Variants in HSPBP1 observed in about 807,000 individuals in gnomAD.
The protein encoded by HSPBP1 is HSPA (Hsp70) binding protein 1.
In HSPBP1, 31 loss-of-function variants were observed where a neutral mutation model predicts 41.7. That is an observed-to-expected ratio of 0.74 (90% CI 0.56 to 1.00). The LOEUF is 1.00. HSPBP1 is among the 50% of genes least tolerant of loss of function. The pLI is 0.00. For synonymous variants in HSPBP1, 199 were observed against 214.4 expected, an observed-to-expected ratio of 0.93 and a Z score of 0.63; for missense variants, 439 against 487.9, an observed-to-expected ratio of 0.90 and a Z score of 0.94.
At position 55,268,491 on chromosome 19, in the gene HSPBP1, C is replaced by G. The variant is rs955127562; in HGVS notation, c.641-2205G>C. The stretch of plus-strand genomic sequence containing the variant: ...CACACACAACGTTGTTGCTCTGGCG[C>G]ACTCCACACTACCCCTGAAAACTCA... On this transcript the variant is annotated intron_variant, in intron 4 of 7. Coordinates refer to ENST00000433386, the MANE Select transcript of HSPBP1 (RefSeq NM_012267.5). This position sits in a 1 kb window ranked among gnomAD's most constrained non-coding sequence, Gnocchi z 4.5. 4.6e-5 allele frequency among the ~76,000 whole-genome samples: 7 copies of G among 152,114 alleles called. No homozygotes were observed. Among genetic ancestry groups the G allele is most frequent in the Admixed American group, 4.6e-4 (7 of 15,274 alleles).
chr19:55,274,379 G>GCCCCCCCCCCCCCCC lies in HSPBP1; in HGVS notation c.640+18_640+19insGGGGGGGGGGGGGGG. On this transcript the variant is annotated intron_variant, in intron 4 of 7. Coordinates refer to ENST00000433386, the MANE Select transcript of HSPBP1 (RefSeq NM_012267.5). ...CCCACCGCCAGCACCCCTGTCCCCA[G>GCCCCCCCCCCCCCCC]CCCCACCCGGACACTCACAGGAGAT... 9.3e-6 allele frequency: 2 copies of GCCCCCCCCCCCCCCC among 215,132 alleles called. No homozygotes were observed. The highest frequency in any genetic ancestry group is 8.7e-5 in the Admixed American group (1 of 11,554). 13.3% of individuals were successfully genotyped at this position (215,132 alleles called of 1,614,324 possible).
At chr19:55,265,527 C>G in intron 6 of HSPBP1, 138 bp from the exon 7 acceptor site, 1 of 730,832 alleles carries the variant, frequency 1.4e-6, no homozygotes, top group Non-Finnish European at 2.4e-6. Flanking sequence ...ATTTCCCCAT[C>G]TGCGGAATGG....
chr19:55,266,464 C>T (rs1372895007), intron 4 of HSPBP1, among the ~76,000 whole-genome samples, 178 bp from the exon 5 acceptor site: 3 of 97,552 alleles, frequency 3.1e-5, no homozygotes, highest in Non-Finnish European at 4.4e-5. Context: ...CCACCATCAC[C>T]ATCACCACCA....
chr19:55,277,372 T>C (rs2088100547), intron 3 of HSPBP1, among the ~76,000 whole-genome samples: 2 of 152,218 alleles, frequency 1.3e-5, no homozygotes, highest in African/African-American at 4.8e-5. Flanking sequence ...CCCATGCCAC[T>C]TTCCCTCTTG....
At chr19:55,277,880 C>A (rs1432794286) in intron 2 of HSPBP1, 34 bp from the exon 3 acceptor site, 3 of 1,468,494 alleles carry the variant, frequency 2.0e-6, no homozygotes, top group Non-Finnish European at 2.7e-6. Flanking sequence ...AGAAGGAGAT[C>A]CATCAGTCAT....
At chr19:55,263,629 G>A (rs993776033) in intron 7 of HSPBP1, among the ~76,000 whole-genome samples, 4 of 152,220 alleles carry the variant, frequency 2.6e-5, no homozygotes, top group Non-Finnish European at 5.9e-5. Flanking sequence ...GCTGCAAAAT[G>A]AAAGAGCCAC....
chr19:55,276,917 C>T (rs1001547872), intron 3 of HSPBP1, among the ~76,000 whole-genome samples: 9 of 152,216 alleles, frequency 5.9e-5, no homozygotes, highest in African/African-American at 1.7e-4. Flanking sequence ...GGGTTTCTCT[C>T]GGCCCAGCCT....
At position 55,277,860 on chromosome 19, in the gene HSPBP1, C is replaced by A; in HGVS notation, c.211-14G>T. On this transcript the variant is annotated splice_polypyrimidine_tract_variant and intron_variant, in intron 2 of 7. Coordinates refer to ENST00000433386, the MANE Select transcript of HSPBP1 (RefSeq NM_012267.5). The stretch of plus-strand genomic sequence containing the variant: ...CCACTGACGCCTCTGGAGACCAAGG[C>A]GAGGAGGAAAGAAGGAGATCCATCA... 2.6e-6 allele frequency: 4 copies of A among 1,520,466 alleles called. No individual in the cohort carries two copies. The highest frequency in any genetic ancestry group is 3.5e-6 in the Non-Finnish European group (4 of 1,135,788). The allele number at this position is 1,520,466 out of a possible 1,614,324, so 94.2% of individuals were successfully genotyped here.
At chr19:55,277,388 T>A (rs2088100870) in intron 3 of HSPBP1, among the ~76,000 whole-genome samples, 1 of 152,228 alleles carries the variant, frequency 6.6e-6, no homozygotes, top group Non-Finnish European at 1.5e-5. Flanking sequence ...TCTTGTACTC[T>A]GGGGAGTGGC....
rs2113113 is a variant in HSPBP1, at chr19:55,272,803, G to A, written c.640+1595C>T. 0.24 allele frequency among the ~76,000 whole-genome samples: 36,446 copies of A among 150,804 alleles called. 4,626 individuals carry two copies. The highest frequency in any genetic ancestry group is 0.34 in the Middle Eastern group (99 of 294). ...TAGTGAGCCGAGATCGCGCCATTGC[G>A]CTCCAGCCTGGGTGACAAGAGCGAG... On this transcript the variant is annotated intron_variant, in intron 4 of 7. Transcript: ENST00000433386. The surrounding 1 kb of genome is among the most constrained non-coding windows in gnomAD (Gnocchi z 4.2).
intron 4 of HSPBP1, among the ~76,000 whole-genome samples, chr19:55,269,824 C>T (rs2087875208): frequency 6.6e-6 from 1 of 152,188 alleles, no homozygotes; most frequent in Non-Finnish European, 1.5e-5. Flanking sequence ...CATACAGCAT[C>T]AAGAGTGCGC....
rs1283760604 is a variant in HSPBP1, at chr19:55,279,676, C to A, written c.-68G>T. 9 of 1,543,530 alleles carry A rather than the reference C, an allele frequency of 5.8e-6. No homozygotes were observed. The highest frequency in any genetic ancestry group is 2.4e-5 in the East Asian group (1 of 40,924). On this transcript the variant is annotated 5_prime_UTR_variant, in exon 2 of 8. Transcript: ENST00000433386. ...GTGGTCACCGCTGAAGCAGCTCTGG[C>A]GTCCTGATGGGTCGATTCTTGAGGG...
rs545678269 is a variant in HSPBP1 at position 55,263,202 on chromosome 19, G to A, written c.1006-520C>T. Among the ~76,000 whole-genome samples, 3 of 152,302 alleles carry A rather than the reference G, an allele frequency of 2.0e-5. No homozygotes were observed. The South Asian group carries it at 6.2e-4, about 32-fold the overall frequency. On this transcript the variant is annotated intron_variant, in intron 7 of 7. Transcript: ENST00000433386. ...CCAATAAATAGATAAGTGGGCAAAG[G>A]ATGAGAACGAACAGTTCACAAGAAA...
intron 2 of HSPBP1, 41 bp from the exon 3 acceptor site, chr19:55,277,887 T>C (rs781382544): frequency 6.9e-7 from 1 of 1,444,570 alleles, no homozygotes; most frequent in Non-Finnish European, 9.2e-7. Flanking sequence ...GATCCATCAG[T>C]CATTCATTAC....
chr19:55,277,963 T>C, intron 2 of HSPBP1, 117 bp from the exon 3 acceptor site: 3 of 890,002 alleles, frequency 3.4e-6, no homozygotes, highest in East Asian at 2.8e-5. Context: ...TCAACAAATA[T>C]CGGCTGGGAG....
At chr19:55,263,844 G>A (rs1276062227) in intron 7 of HSPBP1, among the ~76,000 whole-genome samples, 1 of 152,100 alleles carries the variant, frequency 6.6e-6, no homozygotes, top group Non-Finnish European at 1.5e-5. Context: ...CCTCCTGCGG[G>A]TCTTGTATTT....
chr19:55,279,305 T>C, intron 2 of HSPBP1, 94 bp downstream of exon 2: 1 of 1,075,306 alleles, frequency 9.3e-7, no homozygotes, highest in South Asian at 1.4e-5. Flanking sequence ...AAGAAGACCC[T>C]AGTCTTCTTG....
At chr19:55,266,411 T>TTCACCACCATCACAATCA in intron 4 of HSPBP1, 125 bp from the exon 5 acceptor site, 1 of 337,024 alleles carries the variant, frequency 3.0e-6, no homozygotes, top group Non-Finnish European at 4.3e-6. Flanking sequence ...CACCACTATC[T>TTCACCACCATCACAATCA]TCACCACCAT....
chr19:55,266,370 C>G (rs1482777238), intron 4 of HSPBP1, 84 bp from the exon 5 acceptor site: 10 of 1,363,730 alleles, frequency 7.3e-6, no homozygotes, highest in Non-Finnish European at 1.0e-5. Flanking sequence ...ATCATCACAA[C>G]CACCATCACC....
Sources: allele counts gnomAD v4.1 joint callset (sites outside exome capture counted in the v4.1 genomes callset), GRCh38; gene constraint gnomAD v4.1.1; non-coding constraint Gnocchi (gnomAD v3.1); transcripts MANE v1.5; gene names NCBI Gene and HGNC (gene_info 2026-07-23, HGNC 2026-07-21).